DNAAF10: variants seen among roughly 807,000 people sequenced by gnomAD.
DNAAF10 encodes WD repeat domain 92.
Under a neutral mutation model 43.7 loss-of-function variants are expected in DNAAF10, and 28 were observed. The ratio of observed to expected loss-of-function variants is 0.64; its 90% CI spans 0.48 to 0.88. DNAAF10 has a LOEUF of 0.88. Ranked by LOEUF, DNAAF10 falls within the 40% of genes least tolerant of loss-of-function variation. The pLI is 0.00. For synonymous variants in DNAAF10, 156 were observed against 157.3 expected (o/e 0.99, Z 0.06); for missense variants, 403 against 439.1 (o/e 0.92, Z 0.73).
chr2:68,149,370 G>A (rs1250780277), intron 1 of DNAAF10, among the ~76,000 whole-genome samples: 1 of 152,152 alleles, frequency 6.6e-6, no homozygotes, highest in Middle Eastern at 3.2e-3. Context: ...TCTAGTAAAC[G>A]AAATCAGCCA....
Position 68,130,182 on chromosome 2 carries a change from G to A in DNAAF10, c.*1056C>T, listed in dbSNP as rs1296313957. On this transcript the variant is annotated 3_prime_UTR_variant, in exon 8 of 8. Coordinates refer to ENST00000295121, the MANE Select transcript of DNAAF10 (RefSeq NM_138458.4). Reference sequence around the variant, plus strand: ...GTCTCACTCTGTCGCCAGGGCTGGAGTGCAGTGGCGCAATCTCAGCTCACT... The same window carrying A: ...GTCTCACTCTGTCGCCAGGGCTGGAATGCAGTGGCGCAATCTCAGCTCACT... The A allele has an allele frequency of 2.0e-5, 3 of 147,302 alleles. No individual in the cohort carries two copies. Among genetic ancestry groups the A allele is most frequent in the Non-Finnish European group, 4.5e-5 (3 of 67,202 alleles). 9.1% of individuals were successfully genotyped at this position (147,302 alleles called of 1,614,324 possible).
At chr2:68,136,805 G>C (rs1003730022) in intron 6 of DNAAF10, among the ~76,000 whole-genome samples, 13 of 151,994 alleles carry the variant, frequency 8.6e-5, no homozygotes, top group Admixed American at 4.6e-4. Flanking sequence ...TACCTCAAAT[G>C]CAAGGCAAAG....
In DNAAF10 at chr2:68,130,414, G is replaced by T. The variant is rs1281366754; in HGVS notation, c.*824C>A. 1 of 152,018 alleles carries T rather than the reference G, an allele frequency of 6.6e-6. No individual in the cohort carries two copies. The highest frequency in any genetic ancestry group is 1.9e-4 in the East Asian group (1 of 5,184). 9.4% of individuals were successfully genotyped at this position (152,018 alleles called of 1,614,324 possible). ...CAAAGTGCTGGAATTACAGGCGTGAGCTACCACGCCTGGCCCACCATTTTG... is the reference window on the plus strand; with the variant it reads ...CAAAGTGCTGGAATTACAGGCGTGATCTACCACGCCTGGCCCACCATTTTG... On this transcript the variant is annotated 3_prime_UTR_variant, in exon 8 of 8. Coordinates refer to ENST00000295121, the MANE Select transcript of DNAAF10 (RefSeq NM_138458.4).
chr2:68,136,401 A>G (rs941842363), intron 6 of DNAAF10, among the ~76,000 whole-genome samples: 1 of 152,190 alleles, frequency 6.6e-6, no homozygotes, highest in Non-Finnish European at 1.5e-5. Flanking sequence ...ATTATAATTT[A>G]TAGCTATCTT....
intron 6 of DNAAF10, among the ~76,000 whole-genome samples, chr2:68,135,289 C>T (rs1373159280): frequency 6.6e-6 from 1 of 152,050 alleles, no homozygotes; most frequent in Admixed American, 6.5e-5. Context: ...AATTTATAGA[C>T]CGAAATTTAA....
At chr2:68,146,828 A>T (rs1673327461) in intron 2 of DNAAF10, among the ~76,000 whole-genome samples, 1 of 152,202 alleles carries the variant, frequency 6.6e-6, no homozygotes, top group South Asian at 2.1e-4. Flanking sequence ...AACTTTCTCC[A>T]TAATATTTTA....
At chr2:68,157,157 A>G in intron 1 of DNAAF10, 104 bp downstream of exon 1, 1 of 1,464,106 alleles carries the variant, frequency 6.8e-7, no homozygotes, top group Non-Finnish European at 9.1e-7. Flanking sequence ...GGCTCAAGCC[A>G]TGCTTTGGGG....
At chr2:68,145,427 C>T (rs910200471) in intron 2 of DNAAF10, among the ~76,000 whole-genome samples, 4 of 151,964 alleles carry the variant, frequency 2.6e-5, no homozygotes, top group South Asian at 2.1e-4. Flanking sequence ...TTTGTTAAAA[C>T]GCAGCTAGTA....
Position 68,141,726 on chromosome 2 carries a change from T to C in DNAAF10, c.485A>G (p.Glu162Gly). The C allele has an allele frequency of 1.2e-6, 2 of 1,614,130 alleles. No homozygotes were observed. Among genetic ancestry groups the C allele is most frequent in the Non-Finnish European group, 8.5e-7 (1 of 1,179,994 alleles). Residue 162 changes from glutamate to glycine, a missense_variant, in exon 4 of 8, where the codon GAA becomes GGA. By Grantham distance (98) the Glu-to-Gly change is moderately conservative. Coordinates refer to ENST00000295121, the MANE Select transcript of DNAAF10 (RefSeq NM_138458.4). ...PVANMEPVQG[E>G]NKRDCWTVAF... ...CACAGTCCAACAGTCTCTCTTGTTT[T>C]CTCCTTGTACAGGTTCCATATTAGC...
At chr2:68,131,664 A>G (rs1325391622) in intron 7 of DNAAF10, 2 of 507,346 alleles carry the variant, frequency 3.9e-6, no homozygotes, top group South Asian at 2.4e-5. Context: ...AGTTCTACTA[A>G]AAACTTCTAA....
intron 3 of DNAAF10, among the ~76,000 whole-genome samples, chr2:68,143,696 C>G (rs1161761195): frequency 1.3e-5 from 2 of 151,898 alleles, no homozygotes; most frequent in Non-Finnish European, 2.9e-5. Context: ...TTGCATATGA[C>G]AAAACATTAA....
Position 68,130,104 on chromosome 2 carries a change from T to TGAGA in DNAAF10, c.*1130_*1133dup, listed in dbSNP as rs10574149. 7 of 63,876 alleles carry TGAGA rather than the reference T, an allele frequency of 1.1e-4. No homozygotes were observed. Among genetic ancestry groups the TGAGA allele is most frequent in the Admixed American group, 1.9e-4 (1 of 5,252 alleles). 4.0% of individuals were successfully genotyped at this position (63,876 alleles called of 1,614,324 possible). The stretch of plus-strand genomic sequence containing the variant: ...CAAATCTAGACCAACCGTGCCGTTT[T>TGAGA]GAGAGAGAGAGATATATATATATAT... On this transcript the variant is annotated 3_prime_UTR_variant, in exon 8 of 8. Coordinates refer to ENST00000295121, the MANE Select transcript of DNAAF10 (RefSeq NM_138458.4).
At chr2:68,152,386 C>G (rs1673478565) in intron 1 of DNAAF10, among the ~76,000 whole-genome samples, 1 of 152,180 alleles carries the variant, frequency 6.6e-6, no homozygotes, top group Non-Finnish European at 1.5e-5. Context: ...CTGCACTTTG[C>G]TCAGAAGGGC....
At chr2:68,144,902 T>A (rs117546092) in intron 2 of DNAAF10, among the ~76,000 whole-genome samples, 187 bp from the exon 3 acceptor site, 9 of 152,196 alleles carry the variant, frequency 5.9e-5, no homozygotes, top group Non-Finnish European at 1.2e-4. Context: ...CAAGCCCCCA[T>A]TGAGAACTGT....
chr2:68,134,021 T>C (rs774023326), intron 7 of DNAAF10: 28 of 561,656 alleles, frequency 5.0e-5, no homozygotes, highest in Non-Finnish European at 5.4e-5. Flanking sequence ...TTAAGAAAGA[T>C]ATAATTTTTC....
intron 6 of DNAAF10, 48 bp from the exon 7 acceptor site, chr2:68,134,847 C>T (rs370573803): frequency 1.3e-6 from 2 of 1,598,926 alleles, no homozygotes; most frequent in Non-Finnish European, 1.7e-6. Flanking sequence ...TAAATGGTGC[C>T]CTGGAAGAGA....
At chr2:68,155,465 G>A (rs970465113) in intron 1 of DNAAF10, among the ~76,000 whole-genome samples, 9 of 151,462 alleles carry the variant, frequency 5.9e-5, no homozygotes. Context: ...CTGCACTCAA[G>A]CTTGGGTGAC....
At position 68,150,546 on chromosome 2, in the gene DNAAF10, A is replaced by G. The variant is rs188752322; in HGVS notation, c.184-2979T>C. 2.7e-3 allele frequency among the ~76,000 whole-genome samples: 415 copies of G among 152,148 alleles called. 2 individuals are homozygous for G. Among genetic ancestry groups the G allele is most frequent in the African/African-American group, 6.3e-3 (261 of 41,512 alleles). ...TCAGGAGTTCAAGACCAGCCTGGCC[A>G]AAATGGTGAAACCCCCTCTCTACTA... is the stretch of plus-strand genomic sequence containing the variant. On this transcript the variant is annotated intron_variant, in intron 1 of 7. Coordinates refer to ENST00000295121, the MANE Select transcript of DNAAF10 (RefSeq NM_138458.4).
chr2:68,152,809 G>A (rs149792260), intron 1 of DNAAF10, among the ~76,000 whole-genome samples: 2 of 152,178 alleles, frequency 1.3e-5, no homozygotes, highest in African/African-American at 4.8e-5. Flanking sequence ...TAATTCCTGT[G>A]TGAGCTATTT....
Sources: gnomAD v4.1 joint callset for allele counts (sites outside exome capture counted in the v4.1 genomes callset) on GRCh38, gnomAD v4.1.1 for gene constraint, MANE v1.5 for transcripts, NCBI Gene and HGNC (gene_info 2026-07-23, HGNC 2026-07-21) for gene names.